Variants in PDGFD observed in about 807,000 individuals in gnomAD.
PDGFD encodes platelet derived growth factor D, also known as platelet-derived growth factor D.
A neutral mutation model predicts 44.7 loss-of-function variants in PDGFD; 30 were observed. That is an observed-to-expected ratio of 0.67 (90% CI 0.50 to 0.91). The LOEUF is 0.91. Ranked by LOEUF, PDGFD falls within the 40% of genes least tolerant of loss-of-function variation. PDGFD has a pLI of 0.00. For synonymous variants in PDGFD, 173 were observed against 168.4 expected, an observed-to-expected ratio of 1.03 and a Z score of -0.21; for missense variants, 445 against 457.8, an observed-to-expected ratio of 0.97 and a Z score of 0.25.
chr11:103,975,975 T>G (rs189372112), intron 3 of PDGFD, among the ~76,000 whole-genome samples: 1,962 of 152,260 alleles, frequency 0.013, 45 homozygotes, highest in African/African-American at 0.042. Context: ...CTTGGCTATA[T>G]GGGCTCTTTT....
chr11:103,983,050 A>G (rs1473821877), intron 3 of PDGFD, among the ~76,000 whole-genome samples: 1 of 151,870 alleles, frequency 6.6e-6, no homozygotes, highest in African/African-American at 2.4e-5. Context: ...CATTCTTCAC[A>G]GAATTAGAAA....
At chr11:103,927,951 C>T (rs1214240361) in intron 5 of PDGFD, among the ~76,000 whole-genome samples, 2 of 152,146 alleles carry the variant, frequency 1.3e-5, no homozygotes, top group East Asian at 1.9e-4. Flanking sequence ...ATCTCCCCCT[C>T]TCACATTCTT....
intron 3 of PDGFD, among the ~76,000 whole-genome samples, chr11:103,961,455 G>A (rs1858934322): frequency 6.6e-6 from 1 of 152,086 alleles, no homozygotes; most frequent in African/African-American, 2.4e-5. Context: ...ATTGACTTTT[G>A]TATGATAATT....
chr11:104,059,138 T>C (rs138636318), intron 1 of PDGFD, among the ~76,000 whole-genome samples: 3 of 149,838 alleles, frequency 2.0e-5, no homozygotes, highest in African/African-American at 7.4e-5. Flanking sequence ...TCTGTGTACA[T>C]TATACTTCAA....
chr11:104,080,588 C>A (rs1861030767), intron 1 of PDGFD, among the ~76,000 whole-genome samples: 1 of 152,144 alleles, frequency 6.6e-6, no homozygotes. Context: ...ATATTTTATG[C>A]ATATACTCTG....
rs145700996 is a variant in PDGFD at position 104,067,741 on chromosome 11, T to C, written c.125-67486A>G. On this transcript the variant is annotated intron_variant, in intron 1 of 6. Coordinates refer to ENST00000393158, the MANE Select transcript of PDGFD (RefSeq NM_025208.5). ...GCATCTGCTCATGCCCACGGTCTAA[T>C]GAGAACTAAATGAATTTCTAGTCTT... Among the ~76,000 whole-genome samples the C allele has an allele frequency of 6.6e-3, 1,002 of 152,258 alleles. 9 individuals carry two copies. Among genetic ancestry groups the C allele is most frequent in the Middle Eastern group, 0.02 (6 of 294 alleles).
At chr11:104,107,328 G>A (rs568399540) in intron 1 of PDGFD, among the ~76,000 whole-genome samples, 1 of 152,070 alleles carries the variant, frequency 6.6e-6, no homozygotes, top group Non-Finnish European at 1.5e-5. Flanking sequence ...TACGGCACGC[G>A]ATGCTGGATG....
At chr11:104,106,190 T>A (rs571225603) in intron 1 of PDGFD, among the ~76,000 whole-genome samples, 4 of 152,118 alleles carry the variant, frequency 2.6e-5, no homozygotes, top group African/African-American at 9.7e-5. Context: ...ATCTCAAACC[T>A]CCACGCACGA....
chr11:103,919,263 C>T (rs552808209), intron 6 of PDGFD, among the ~76,000 whole-genome samples: 1 of 152,298 alleles, frequency 6.6e-6, no homozygotes, highest in Non-Finnish European at 1.5e-5. Flanking sequence ...TACAGTTACT[C>T]ACCTTGTTGC....
chr11:103,992,201 GA>G (rs1859465904), intron 3 of PDGFD, among the ~76,000 whole-genome samples: 1 of 152,164 alleles, frequency 6.6e-6, no homozygotes, highest in South Asian at 2.1e-4. Flanking sequence ...GCAATAAAAT[GA>G]AATGAGGCAA....
intron 3 of PDGFD, among the ~76,000 whole-genome samples, chr11:103,953,893 C>CAG (rs1486268962): frequency 1.3e-5 from 2 of 152,180 alleles, no homozygotes; most frequent in African/African-American, 2.4e-5. Flanking sequence ...ACATGGCTAA[C>CAG]ACAACACAAA....
chr11:103,915,334 A>ACT (rs1383429408), intron 6 of PDGFD, among the ~76,000 whole-genome samples: 2 of 152,144 alleles, frequency 1.3e-5, no homozygotes, highest in African/African-American at 4.8e-5. Flanking sequence ...TCATGAGTGA[A>ACT]CTCTCATTCA....
chr11:103,992,100 GACA>G (rs1240629536), intron 3 of PDGFD, among the ~76,000 whole-genome samples: 3 of 152,074 alleles, frequency 2.0e-5, no homozygotes, highest in Non-Finnish European at 4.4e-5. Context: ...CCAAATATTT[GACA>G]ACATTATCCA....
At chr11:104,101,154 G>A (rs990528940) in intron 1 of PDGFD, among the ~76,000 whole-genome samples, 1 of 152,134 alleles carries the variant, frequency 6.6e-6, no homozygotes, top group Non-Finnish European at 1.5e-5. Flanking sequence ...AAAAGAGGAA[G>A]TCAAATTGTC....
At chr11:104,134,338 C>A (rs1256534388) in intron 1 of PDGFD, among the ~76,000 whole-genome samples, 2 of 152,048 alleles carry the variant, frequency 1.3e-5, no homozygotes, top group African/African-American at 4.8e-5. Flanking sequence ...AAGTACTTCC[C>A]ATTAATCACA....
intron 3 of PDGFD, among the ~76,000 whole-genome samples, chr11:103,995,412 T>C (rs970417816): frequency 1.3e-5 from 2 of 152,194 alleles, no homozygotes; most frequent in African/African-American, 4.8e-5. Flanking sequence ...TTTGGCTCAT[T>C]ATAAGGTTGA....
At chr11:103,992,402 C>T (rs539028) in intron 3 of PDGFD, among the ~76,000 whole-genome samples, 13,635 of 152,214 alleles carry the variant, frequency 0.09, 712 homozygotes, top group African/African-American at 0.13. Flanking sequence ...GAATTATTGT[C>T]ATCATTTATT....
intron 1 of PDGFD, among the ~76,000 whole-genome samples, chr11:104,105,181 G>A (rs1861455007): frequency 6.6e-6 from 1 of 152,134 alleles, no homozygotes; most frequent in African/African-American, 2.4e-5. Context: ...ATCACACAGA[G>A]GTAACAGCTG....
At chr11:103,959,683 T>TAAATTC (rs1260264858) in intron 3 of PDGFD, among the ~76,000 whole-genome samples, 1 of 152,144 alleles carries the variant, frequency 6.6e-6, no homozygotes, top group Non-Finnish European at 1.5e-5. Flanking sequence ...CAGGTTTTCA[T>TAAATTC]AAATTCCTAA....
Sources: gnomAD v4.1 joint callset for allele counts (sites outside exome capture counted in the v4.1 genomes callset) on GRCh38, gnomAD v4.1.1 for gene constraint, MANE v1.5 for transcripts, NCBI Gene and HGNC (gene_info 2026-07-23, HGNC 2026-07-21) for gene names.